Variants in BICRAL observed in about 807,000 individuals in gnomAD.
BICRAL encodes BRD4-interacting chromatin-remodeling complex-associated protein-like.
Under a neutral mutation model 91.8 loss-of-function variants are expected in BICRAL, and 8 were observed. That is an observed-to-expected ratio of 0.09 (90% CI 0.05 to 0.16). BICRAL has a LOEUF of 0.16. Among genes scored for constraint, BICRAL ranks in the 10% least tolerant of loss-of-function variants. BICRAL has a pLI of 1.00. For synonymous variants in BICRAL, 445 were observed against 491.1 expected (o/e 0.91, Z 1.24); for missense variants, 1,038 against 1,310.9 (o/e 0.79, Z 3.21).
At chr6:42,849,335 C>T (rs1425777059) in intron 6 of BICRAL, among the ~76,000 whole-genome samples, 1 of 152,160 alleles carries the variant, frequency 6.6e-6, no homozygotes, top group Non-Finnish European at 1.5e-5. Flanking sequence ...ATCCTCCCAC[C>T]TCAGCCTCCC....
chr6:42,857,306 G>A lies in BICRAL; in HGVS notation c.2254+70G>A, dbSNP rs1227368362. ...CCCTCCATGGACACCCCCCAGAAAA[G>A]CAAGAGCCACATCACCCCCAGATGG... On this transcript the variant is annotated intron_variant, in intron 10 of 12. Coordinates refer to ENST00000314073, the MANE Select transcript of BICRAL (RefSeq NM_001393499.1). 3.0e-6 allele frequency: 4 copies of A among 1,312,380 alleles called. No homozygotes were observed. In the African/African-American group the frequency reaches 5.9e-5, roughly 19 times the overall value. The allele number at this position is 1,312,380 out of a possible 1,614,324, so 81.3% of individuals were successfully genotyped here.
chr6:42,781,607 G>GTGT (rs1398581502), upstream of BICRAL, among the ~76,000 whole-genome samples: 38 of 149,498 alleles, frequency 2.5e-4, no homozygotes, highest in African/African-American at 8.6e-4. Flanking sequence ...GTGTGTGTGT[G>GTGT]TGTGTGTGTG....
chr6:42,782,934 A>C (rs770267532), intron 1 of BICRAL, among the ~76,000 whole-genome samples: 14 of 148,188 alleles, frequency 9.4e-5, no homozygotes, highest in Non-Finnish European at 2.1e-4. Flanking sequence ...GGTGTGAATC[A>C]CATTTTCTTT....
intron 1 of BICRAL, among the ~76,000 whole-genome samples, chr6:42,752,175 C>T (rs1762390885): frequency 6.6e-6 from 1 of 152,180 alleles, no homozygotes; most frequent in Non-Finnish European, 1.5e-5. Flanking sequence ...GGAAGCAGGA[C>T]AGGAGCAGCC....
At chr6:42,776,046 G>C (rs1230746305) in intron 1 of BICRAL, among the ~76,000 whole-genome samples, 2 of 152,142 alleles carry the variant, frequency 1.3e-5, no homozygotes, top group South Asian at 2.1e-4. Flanking sequence ...TTTTGAGTCA[G>C]AGTCTTTCTC....
chr6:42,824,525 G>A (rs543091672), intron 5 of BICRAL, among the ~76,000 whole-genome samples: 29 of 152,168 alleles, frequency 1.9e-4, no homozygotes, highest in Admixed American at 1.1e-3. Flanking sequence ...TGTATTTTTA[G>A]TAGAGACTGC....
chr6:42,800,416 G>A (rs1198100502), intron 1 of BICRAL, among the ~76,000 whole-genome samples: 3 of 151,950 alleles, frequency 2.0e-5, no homozygotes, highest in Non-Finnish European at 4.4e-5. Context: ...CGTCCACTTC[G>A]GCCCCCCAAA....
At chr6:42,807,836 A>C (rs554084649) in intron 1 of BICRAL, among the ~76,000 whole-genome samples, 10 of 152,068 alleles carry the variant, frequency 6.6e-5, no homozygotes, top group African/African-American at 2.4e-4. Context: ...CGCCTGTACA[A>C]CTGAAAAAAT....
chr6:42,801,637 T>C lies in BICRAL; in HGVS notation c.-101-8669T>C, dbSNP rs375465662. On this transcript the variant is annotated intron_variant, in intron 1 of 12. Transcript: ENST00000314073. ...GTGGCTCATACCTTAATCCCAGCAC[T>C]TTGGGAAGCAGAGGCAGGCGGATTA... 3.9e-5 allele frequency among the ~76,000 whole-genome samples: 6 copies of C among 152,194 alleles called. No homozygotes were observed. The East Asian group carries it at 7.7e-4, about 20-fold the overall frequency.
chr6:42,857,265 C>T, intron 10 of BICRAL, 29 bp downstream of exon 10: 6 of 1,583,100 alleles, frequency 3.8e-6, no homozygotes, highest in Non-Finnish European at 5.2e-6. Flanking sequence ...TAAGGCACCA[C>T]TCTGATACCA....
At chr6:42,758,676 A>G (rs1285979669) in intron 1 of BICRAL, among the ~76,000 whole-genome samples, 1 of 151,744 alleles carries the variant, frequency 6.6e-6, no homozygotes, top group African/African-American at 2.4e-5. Flanking sequence ...CTTTTGGGAA[A>G]TATAAGCTGG....
chr6:42,856,956 G>A lies in BICRAL; in HGVS notation c.2109-135G>A, dbSNP rs1765378142. 8.8e-6 allele frequency: 6 copies of A among 679,760 alleles called. No individual in the cohort carries two copies. The East Asian group carries it at 1.7e-4, about 19-fold the overall frequency. The allele number at this position is 679,760 out of a possible 1,614,324, so 42.1% of individuals were successfully genotyped here. ...TTAAACTAAGTTATAAACCCACTAT[G>A]GTATAAAAAATATAAAACTAAAAAA... On this transcript the variant is annotated intron_variant, in intron 9 of 12. Transcript: ENST00000314073.
chr6:42,782,950 C>T (rs1188005674), intron 1 of BICRAL, among the ~76,000 whole-genome samples: 1 of 135,452 alleles, frequency 7.4e-6, no homozygotes, highest in Admixed American at 7.5e-5. Flanking sequence ...TCTTTCTTCT[C>T]GGCAAAATGG....
rs550118726 is a variant in BICRAL, at chr6:42,788,631, T to C, written c.-102+6530T>C. 3.3e-5 allele frequency among the ~76,000 whole-genome samples: 5 copies of C among 152,054 alleles called. No homozygotes were observed. The South Asian group carries it at 1.0e-3, about 32-fold the overall frequency. ...AAAGAATGGGGGCACAAGTGCAAGG[T>C]GAATTGGAGGTAGAATATAGGACTT... On this transcript the variant is annotated intron_variant, in intron 1 of 12. Coordinates refer to ENST00000314073, the MANE Select transcript of BICRAL (RefSeq NM_001393499.1).
intron 2 of BICRAL, among the ~76,000 whole-genome samples, chr6:42,817,507 G>T (rs1764026204): frequency 6.6e-6 from 1 of 150,550 alleles, no homozygotes; most frequent in African/African-American, 2.4e-5. Flanking sequence ...GCAGAGTCTG[G>T]CTCTGTCGCT....
intron 6 of BICRAL, among the ~76,000 whole-genome samples, chr6:42,846,061 C>CAAAA (rs386406871): frequency 5.0e-5 from 4 of 80,704 alleles, no homozygotes; most frequent in Admixed American, 1.6e-4. Flanking sequence ...GACTCCATCT[C>CAAAA]AAAAAAAAAA....
chr6:42,794,853 C>T (rs1007340407), intron 1 of BICRAL, among the ~76,000 whole-genome samples: 7 of 149,650 alleles, frequency 4.7e-5, no homozygotes, highest in South Asian at 2.1e-4. Flanking sequence ...CGCAGCTATT[C>T]GGGAGGCTGA....
At chr6:42,845,445 C>G (rs1301212595) in intron 6 of BICRAL, among the ~76,000 whole-genome samples, 1 of 151,466 alleles carries the variant, frequency 6.6e-6, no homozygotes, top group East Asian at 1.9e-4. Flanking sequence ...AATGGCTCAT[C>G]AAGGGACTTT....
intron 1 of BICRAL, among the ~76,000 whole-genome samples, chr6:42,776,417 G>A (rs1048353497): frequency 6.6e-6 from 1 of 151,230 alleles, no homozygotes; most frequent in Middle Eastern, 3.2e-3. Context: ...GCTTGATCAT[G>A]GCTCACTACA....
Sources: gnomAD v4.1 joint callset for allele counts (sites outside exome capture counted in the v4.1 genomes callset) on GRCh38, gnomAD v4.1.1 for gene constraint, MANE v1.5 for transcripts, NCBI Gene and HGNC (gene_info 2026-07-23, HGNC 2026-07-21) for gene names.